The following INPP4B variants were observed in gnomAD, a reference collection of about 807,000 sequenced individuals.
The protein encoded by INPP4B is inositol polyphosphate-4-phosphatase type II B, also known as inositol polyphosphate 4-phosphatase type II.
In INPP4B, 55 loss-of-function variants were observed where a neutral mutation model predicts 122.5. The observed-to-expected ratio is 0.45, with a 90% confidence interval of 0.36 to 0.56. The LOEUF (loss-of-function observed/expected upper bound fraction) is 0.56, where lower values mean the gene tolerates loss of function less well. Ranked by LOEUF, INPP4B falls within the 20% of genes least tolerant of loss-of-function variation. The pLI is 0.00. For synonymous variants in INPP4B, 403 were observed against 388.7 expected (o/e 1.04, Z -0.43); for missense variants, 1,000 against 1,097.7 (o/e 0.91, Z 1.26).
At chr4:142,276,227 T>C (rs2150685198) in intron 9 of INPP4B, among the ~76,000 whole-genome samples, 1 of 151,990 alleles carries the variant, frequency 6.6e-6, no homozygotes, top group Admixed American at 6.6e-5. Flanking sequence ...TTCCTTCCAT[T>C]TCATTCATGT....
chr4:142,522,627 C>T (rs769783418), intron 2 of INPP4B, among the ~76,000 whole-genome samples: 8 of 151,914 alleles, frequency 5.3e-5, no homozygotes, highest in African/African-American at 7.2e-5. Context: ...AGAAGGGAGA[C>T]GGTTTACTAT....
intron 7 of INPP4B, among the ~76,000 whole-genome samples, chr4:142,322,312 T>C (rs893769656): frequency 6.6e-6 from 1 of 152,190 alleles, no homozygotes; most frequent in Non-Finnish European, 1.5e-5. Context: ...ATATGAAAAT[T>C]ATATCTGAAA....
At chr4:142,275,165 A>C (rs1747782496) in intron 9 of INPP4B, among the ~76,000 whole-genome samples, 1 of 151,852 alleles carries the variant, frequency 6.6e-6, no homozygotes, top group Non-Finnish European at 1.5e-5. Flanking sequence ...AGGGAATATA[A>C]AACAGTCTTC....
chr4:142,270,530 A>G (rs1423531192), intron 10 of INPP4B, 133 bp downstream of exon 10: 1 of 659,564 alleles, frequency 1.5e-6, no homozygotes, highest in Non-Finnish European at 2.7e-6. Flanking sequence ...TTGTATTCCA[A>G]TTTCAGAGCT....
At chr4:142,803,486 A>AT (rs76149047) in intron 1 of INPP4B, among the ~76,000 whole-genome samples, 35,872 of 151,234 alleles carry the variant, frequency 0.24, 4,508 homozygotes, top group South Asian at 0.34. Flanking sequence ...TCTTCTTTAC[A>AT]TTTTTTTCAT....
intron 2 of INPP4B, among the ~76,000 whole-genome samples, chr4:142,579,622 A>T (rs1479696393): frequency 6.6e-6 from 1 of 151,866 alleles, no homozygotes; most frequent in Non-Finnish European, 1.5e-5. Context: ...CAAGTAATGG[A>T]GGATTCTTTC....
intron 2 of INPP4B, among the ~76,000 whole-genome samples, chr4:142,624,642 A>T (rs1193451258): frequency 1.3e-5 from 2 of 152,150 alleles, no homozygotes; most frequent in East Asian, 1.9e-4. Flanking sequence ...GGCCAGCATC[A>T]TCCTGATACC....
intron 5 of INPP4B, among the ~76,000 whole-genome samples, chr4:142,415,032 G>A (rs546217929): frequency 8.5e-5 from 13 of 152,144 alleles, no homozygotes; most frequent in Admixed American, 4.6e-4. Context: ...AGAAGTAAGC[G>A]GAAAAAGAAA....
chr4:142,030,371 G>T, intron 25 of INPP4B: 1 of 1,340,380 alleles, frequency 7.5e-7, no homozygotes. Context: ...AAAAAATTCA[G>T]CCTTAAATAT....
chr4:142,411,277 A>G (rs544976918), intron 5 of INPP4B, among the ~76,000 whole-genome samples: 8 of 152,362 alleles, frequency 5.3e-5, no homozygotes, highest in Non-Finnish European at 1.0e-4. Flanking sequence ...GATGGCCCAC[A>G]GGGGAGCACT....
At chr4:142,512,806 G>A (rs1027679829) in intron 2 of INPP4B, among the ~76,000 whole-genome samples, 26 of 152,040 alleles carry the variant, frequency 1.7e-4, no homozygotes, top group Non-Finnish European at 3.5e-4. Context: ...ACTTTTTTTA[G>A]TTCCTGATTA....
At chr4:142,824,040 T>C (rs1358716509) in intron 1 of INPP4B, among the ~76,000 whole-genome samples, 1 of 152,144 alleles carries the variant, frequency 6.6e-6, no homozygotes, top group African/African-American at 2.4e-5. Flanking sequence ...TTCTTTCTGC[T>C]TGAGCTGGGA....
intron 1 of INPP4B, among the ~76,000 whole-genome samples, chr4:142,784,562 T>C (rs1368690926): frequency 6.6e-6 from 1 of 151,926 alleles, no homozygotes; most frequent in Non-Finnish European, 1.5e-5. Context: ...CATCAATTTA[T>C]AGAAGCATTT....
At position 142,404,011 on chromosome 4, in the gene INPP4B, T is replaced by C. The variant is rs142383902; in HGVS notation, c.256-957A>G. ...TAAGAAAAAATCAAAATTAAATGAG[T>C]GAATAAGTAAATTTTGGCAACATTT... is the stretch of plus-strand genomic sequence containing the variant. On this transcript the variant is annotated intron_variant, in intron 6 of 25. Coordinates refer to ENST00000262992, the MANE Select transcript of INPP4B (RefSeq NM_001101669.3). Among the ~76,000 whole-genome samples, 43 of 151,936 alleles carry C rather than the reference T, an allele frequency of 2.8e-4. 1 individual carries two copies. In the East Asian group the frequency reaches 8.3e-3, roughly 29 times the overall value.
At chr4:142,157,894 G>T (rs1255719515) in intron 17 of INPP4B, among the ~76,000 whole-genome samples, 2 of 151,858 alleles carry the variant, frequency 1.3e-5, no homozygotes, top group Non-Finnish European at 2.9e-5. Flanking sequence ...CTTAGCACAT[G>T]GTTCTACTTT....
intron 7 of INPP4B, among the ~76,000 whole-genome samples, chr4:142,376,136 T>G (rs779384376): frequency 6.6e-6 from 1 of 152,068 alleles, no homozygotes; most frequent in Non-Finnish European, 1.5e-5. Context: ...GGAATAAGTA[T>G]TGAAATATTT....
chr4:142,498,227 T>A (rs114182468), intron 2 of INPP4B, among the ~76,000 whole-genome samples: 20 of 151,294 alleles, frequency 1.3e-4, no homozygotes, highest in African/African-American at 4.4e-4. Context: ...ACACATATAC[T>A]TACATATAAA....
chr4:142,550,200 G>A (rs1727634840), intron 2 of INPP4B, among the ~76,000 whole-genome samples: 1 of 152,094 alleles, frequency 6.6e-6, no homozygotes, highest in South Asian at 2.1e-4. Flanking sequence ...ATCATCTCAG[G>A]GTGGAAAATG....
At chr4:142,622,242 C>T (rs188254222) in intron 2 of INPP4B, among the ~76,000 whole-genome samples, 1 of 151,922 alleles carries the variant, frequency 6.6e-6, no homozygotes, top group East Asian at 1.9e-4. Flanking sequence ...ATTGCTAACA[C>T]TGATACTTTT....
Sources: allele counts gnomAD v4.1 joint callset (sites outside exome capture counted in the v4.1 genomes callset), GRCh38; gene constraint gnomAD v4.1.1; transcripts MANE v1.5; gene names NCBI Gene and HGNC (gene_info 2026-07-23, HGNC 2026-07-21).